LINC00632: variants seen among roughly 807,000 people sequenced by gnomAD.
LINC00632 encodes long independently transcribed non-coding RNA 632.
exon 5 of LINC00632, among the ~76,000 whole-genome samples, chrX:140,778,264 C>T (rs1471569139): frequency 1.8e-5 from 2 of 112,391 alleles, no homozygotes; most frequent in East Asian, 5.6e-4. Context: ...ATTTTTAAAT[C>T]AATGATCTTT....
chrX:140,743,699 T>C (rs927423039), intron 3 of LINC00632, among the ~76,000 whole-genome samples: 11 of 111,504 alleles, frequency 9.9e-5, no homozygotes, highest in African/African-American at 3.6e-4. Context: ...TCATGTACCA[T>C]ATTGTGAAGA....
chrX:140,753,752 T>TTTTC (rs1240322426), intron 3 of LINC00632, among the ~76,000 whole-genome samples: 6 of 104,253 alleles, frequency 5.8e-5, no homozygotes, highest in Admixed American at 2.1e-4. Flanking sequence ...ATTTCTTTTC[T>TTTTC]TTTCTTTCTT....
At chrX:140,716,861 A>G (rs907040888) in intron 2 of LINC00632, among the ~76,000 whole-genome samples, 2 of 109,663 alleles carry the variant, frequency 1.8e-5, no homozygotes, top group African/African-American at 6.6e-5. Flanking sequence ...ACATCATACA[A>G]ACACACCCTA....
At chrX:140,729,632 A>C (rs769506987) in intron 2 of LINC00632, among the ~76,000 whole-genome samples, 58 of 110,901 alleles carry the variant, frequency 5.2e-4, no homozygotes, top group African/African-American at 1.8e-3. Flanking sequence ...ACTGCATATA[A>C]TTGAATCCAG....
At chrX:140,715,322 G>A (rs918387068) in intron 2 of LINC00632, among the ~76,000 whole-genome samples, 15 of 111,604 alleles carry the variant, frequency 1.3e-4, no homozygotes, top group Admixed American at 3.8e-4. Flanking sequence ...ACAGCCAGGT[G>A]GGTGGCTCAT....
At chrX:140,731,544 G>A (rs1219882564) in intron 2 of LINC00632, among the ~76,000 whole-genome samples, 1 of 111,880 alleles carries the variant, frequency 8.9e-6, no homozygotes, top group African/African-American at 3.2e-5. Flanking sequence ...ATAAATTGGG[G>A]ATGATGGTGT....
intron 3 of LINC00632, among the ~76,000 whole-genome samples, chrX:140,750,794 T>A (rs1354358101): frequency 1.8e-5 from 2 of 110,434 alleles, no homozygotes; most frequent in East Asian, 5.8e-4. Flanking sequence ...TCCCGGTGAG[T>A]CTCCAAAGTC....
At chrX:140,712,391 A>C (rs1450519944) in intron 2 of LINC00632, among the ~76,000 whole-genome samples, 1 of 99,215 alleles carries the variant, frequency 1.0e-5, no homozygotes, top group Admixed American at 1.2e-4. Context: ...CCGGGGTTAA[A>C]GTTCCTCCTT....
exon 5 of LINC00632, among the ~76,000 whole-genome samples, chrX:140,790,585 T>TA (rs911522668): frequency 9.0e-6 from 1 of 111,093 alleles, no homozygotes; most frequent in African/African-American, 3.3e-5. Context: ...TGAATGCCCA[T>TA]AAAAAATTAA....
chrX:140,785,364 CAG>C (rs1165021136), exon 5 of LINC00632, among the ~76,000 whole-genome samples: 1 of 111,740 alleles, frequency 8.9e-6, no homozygotes, highest in Non-Finnish European at 1.9e-5. Flanking sequence ...AACTGGCACA[CAG>C]AGGTGAAGTA....
chrX:140,788,592 T>C (rs1932052788), exon 5 of LINC00632, among the ~76,000 whole-genome samples: 1 of 109,577 alleles, frequency 9.1e-6, no homozygotes, highest in South Asian at 3.8e-4. Context: ...TTTATTGATA[T>C]AGGAAAATAC....
chrX:140,729,917 A>G (rs1186514540), intron 2 of LINC00632, among the ~76,000 whole-genome samples: 1 of 89,000 alleles, frequency 1.1e-5, no homozygotes, highest in African/African-American at 4.5e-5. Flanking sequence ...TTGCTTTGTC[A>G]CCAGGCTGGA....
At chrX:140,751,164 T>G (rs962944802) in intron 3 of LINC00632, among the ~76,000 whole-genome samples, 12 of 111,748 alleles carry the variant, frequency 1.1e-4, no homozygotes, top group African/African-American at 3.9e-4. Flanking sequence ...TTGGATCAAA[T>G]GGAAGTTCTA....
intron 2 of LINC00632, among the ~76,000 whole-genome samples, chrX:140,712,605 A>C (rs1930542093): frequency 9.1e-6 from 1 of 110,227 alleles, no homozygotes; most frequent in Non-Finnish European, 1.9e-5. Context: ...GTCCTAACCC[A>C]TGCCACCACT....
At chrX:140,762,242 A>AGAGACAGAGAGC (rs1286418753) in intron 3 of LINC00632, among the ~76,000 whole-genome samples, 1 of 99,793 alleles carries the variant, frequency 1.0e-5, no homozygotes, top group Non-Finnish European at 2.0e-5. Context: ...AGAGAGAGAG[A>AGAGACAGAGAGC]GCACTCTTAT....
At chrX:140,752,086 A>C (rs5953511) in intron 3 of LINC00632, among the ~76,000 whole-genome samples, 1 of 110,364 alleles carries the variant, frequency 9.1e-6, no homozygotes, top group South Asian at 3.9e-4. Flanking sequence ...TCCCACTCTG[A>C]CTGCCACTGC....
chrX:140,735,980 TCAA>T (rs946591960), intron 3 of LINC00632, among the ~76,000 whole-genome samples: 4 of 111,786 alleles, frequency 3.6e-5, no homozygotes, highest in Admixed American at 1.9e-4. Context: ...ATAAAAATAA[TCAA>T]CAAAATCAGA....
At chrX:140,783,489 G>C in exon 5 of LINC00632, 1 of 922,052 alleles carries the variant, frequency 1.1e-6, no homozygotes, top group Non-Finnish European at 1.5e-6. Context: ...ATCAAATACA[G>C]ATCTTCCAGC....
chrX:140,790,917 T>TTAGA (rs956598872), exon 5 of LINC00632, among the ~76,000 whole-genome samples: 28 of 111,992 alleles, frequency 2.5e-4, no homozygotes, highest in Non-Finnish European at 5.6e-5. Flanking sequence ...TCTTGATTTC[T>TTAGA]TAGATACACA....
Sources: gnomAD v4.1 joint callset for allele counts (sites outside exome capture counted in the v4.1 genomes callset) on GRCh38, gnomAD v4.1.1 for gene constraint, MANE v1.5 for transcripts, NCBI Gene and HGNC (gene_info 2026-07-23, HGNC 2026-07-21) for gene names.